The following FLAD1 variants were observed in gnomAD, a reference collection of about 807,000 sequenced individuals.
FLAD1 encodes the protein flavin adenine dinucleotide synthetase 1.
A neutral mutation model predicts 55.0 loss-of-function variants in FLAD1; 35 were observed. The ratio of observed to expected loss-of-function variants is 0.64; its 90% confidence interval spans 0.49 to 0.84. FLAD1 has a LOEUF of 0.84. Among genes scored for constraint, FLAD1 ranks in the 40% least tolerant of loss-of-function variants. The probability of loss-of-function intolerance (pLI) is 0.00; values close to 1 mark genes in which losing one functional copy is unlikely to be tolerated. For missense variants in FLAD1, 665 were observed against 742.6 expected, an observed-to-expected ratio of 0.90 and a Z score of 1.21; for synonymous variants, 267 against 303.0, an observed-to-expected ratio of 0.88 and a Z score of 1.23.
intron 1 of FLAD1, among the ~76,000 whole-genome samples, chr1:154,986,598 C>T (rs1307594891): frequency 1.3e-5 from 2 of 151,786 alleles, no homozygotes; most frequent in Admixed American, 6.6e-5. Flanking sequence ...GTTTTATAAA[C>T]GGGGTTCTCG....
rs1357988688 is a variant in FLAD1, at chr1:154,988,868, A to AG, written c.1117+23dup. 1 of 1,613,798 alleles carries AG rather than the reference A, an allele frequency of 6.2e-7. No individual in the cohort carries two copies. Among genetic ancestry groups the AG allele is most frequent in the African/African-American group, 1.3e-5 (1 of 75,048 alleles). On this transcript the variant is annotated intron_variant, in intron 2 of 6. Coordinates refer to ENST00000292180, the MANE Select transcript of FLAD1 (RefSeq NM_025207.5). ...GAATCAGGTAGGGACCTTATGGAGG[A>AG]GGGGCATTATGCCCAAAGCCATTGG...
intron 1 of FLAD1, 41 bp downstream of exon 1, chr1:154,984,107 C>T (rs746843238): frequency 6.8e-7 from 1 of 1,459,920 alleles, no homozygotes; most frequent in Non-Finnish European, 9.1e-7. Context: ...GCTGCGTTCT[C>T]CTGTCCTTAA....
rs1385419342 is a variant in FLAD1, at chr1:154,983,930, T to G, written c.236T>G (p.Phe79Cys). ...LAGPPCLRPL[F>C]GGLGGYWRAL... ...GGCCCCCCGTGCTTGCGACCCCTATTTGGGGGTCTGGGTGGCTACTGGAGG... is the reference window on the plus strand; with the variant it reads ...GGCCCCCCGTGCTTGCGACCCCTATGTGGGGGTCTGGGTGGCTACTGGAGG... Residue 79 changes from phenylalanine (F) to cysteine (C), a missense_variant, in exon 1 of 7, where the codon TTT (phenylalanine) becomes TGT (cysteine). Coordinates refer to ENST00000292180, the MANE Select transcript of FLAD1 (RefSeq NM_025207.5). The G allele has an allele frequency of 6.2e-7, 1 of 1,609,192 alleles. No individual in the cohort carries two copies. Among genetic ancestry groups the G allele is most frequent in the Non-Finnish European group, 8.5e-7 (1 of 1,176,936 alleles).
At chr1:154,986,516 A>AGTT (rs1558073787) in intron 1 of FLAD1, among the ~76,000 whole-genome samples, 1 of 152,108 alleles carries the variant, frequency 6.6e-6, no homozygotes, top group Non-Finnish European at 1.5e-5. Context: ...TCTTCACAAC[A>AGTT]ACCCCACACA....
chr1:154,988,443 T>A lies in FLAD1; in HGVS notation c.711T>A (p.Thr237=). Residue 237 remains threonine, a synonymous_variant, in exon 2 of 7, where the codon ACT becomes ACA. Coordinates refer to ENST00000292180, the MANE Select transcript of FLAD1 (RefSeq NM_025207.5). ...TGCATTATGGCACAGATCCTTGCAC[T>A]GGTCAACCTTTCAGATTCCCTCTGG... ...ARLHYGTDPC[T]GQPFRFPLVS... is the part of the protein sequence containing the mutation. 6.2e-7 allele frequency: 1 copy of A among 1,614,260 alleles called. No individual in the cohort carries two copies. Among genetic ancestry groups the A allele is most frequent in the Non-Finnish European group, 8.5e-7 (1 of 1,180,044 alleles).
chr1:154,988,966 C>T (rs747069483), intron 2 of FLAD1, 117 bp downstream of exon 2: 7 of 1,523,496 alleles, frequency 4.6e-6, no homozygotes, highest in Non-Finnish European at 6.2e-6. Flanking sequence ...CAGAAGATAG[C>T]TTCTGTTAAT....
In FLAD1 at chr1:154,988,729, G is replaced by A. The variant is rs1231507579; in HGVS notation, c.997G>A (p.Gly333Arg). Residue 333 changes from glycine to arginine, a missense_variant, in exon 2 of 7, where the codon GGA becomes AGA. Physicochemically the swap from Gly to Arg is moderately radical, Grantham distance 125 (BLOSUM62 -2). Transcript: ENST00000292180. ...VKLTLDSEEE[G>R]PLEECLAYLT... ...GCTGACTCTAGACTCAGAGGAAGAA[G>A]GACCCCTGGAGGAATGCTTGGCCTA... The A allele has an allele frequency of 1.2e-6, 2 of 1,614,212 alleles. No individual in the cohort carries two copies. The highest frequency in any genetic ancestry group is 1.7e-6 in the Non-Finnish European group (2 of 1,180,042).
At chr1:154,986,318 G>A (rs921739534) in intron 1 of FLAD1, among the ~76,000 whole-genome samples, 6 of 152,018 alleles carry the variant, frequency 3.9e-5, no homozygotes, top group Non-Finnish European at 7.4e-5. Flanking sequence ...CCGGGTTCAC[G>A]CCATTCTCCT....
Position 154,993,031 on chromosome 1 carries a change from C to T in FLAD1, c.1758C>T (p.Arg586=). Residue 586 remains arginine (R), a synonymous_variant, in exon 7 of 7, where the codon CGC becomes CGT. Coordinates refer to ENST00000292180, the MANE Select transcript of FLAD1 (RefSeq NM_025207.5). ...ACGAAGAAGAGGAGCGGAACTCCCG[C>T]ACATGACCTCCCACCCTAGGAGGGA... ...LENEEEERNS[R]T is the part of the protein sequence containing the mutation. The T allele has an allele frequency of 1.9e-6, 3 of 1,614,006 alleles. No individual in the cohort carries two copies. Among genetic ancestry groups the T allele is most frequent in the Non-Finnish European group, 2.5e-6 (3 of 1,179,930 alleles).
At position 154,992,796 on chromosome 1, in the gene FLAD1, T is replaced by C. The variant is rs1478559434; in HGVS notation, c.1628+10T>C. 2.7e-5 allele frequency: 43 copies of C among 1,613,944 alleles called. No homozygotes were observed. The highest frequency in any genetic ancestry group is 3.5e-5 in the Non-Finnish European group (41 of 1,179,988). On this transcript the variant is annotated intron_variant, in intron 6 of 6. Coordinates refer to ENST00000292180, the MANE Select transcript of FLAD1 (RefSeq NM_025207.5). ...TCCTGTATGACCGAGGGTAAGGGTA[T>C]TAGGGGAAGGGAATGGGTAAGGGAG...
chr1:154,992,171 A>C (rs1657903381), intron 5 of FLAD1, among the ~76,000 whole-genome samples: 2 of 137,108 alleles, frequency 1.5e-5, no homozygotes, highest in Admixed American at 1.5e-4. Context: ...AGGGCCGGGC[A>C]TGGTGGCACA....
In FLAD1 at chr1:154,990,203, G is replaced by A. The variant is rs144820916; in HGVS notation, c.1310G>A (p.Arg437His). ...VPNPLQILYIRSISPFPELEQ... is the reference protein window; with the variant it reads ...VPNPLQILYIHSISPFPELEQ... ...AACCCCCTCCAGATCCTGTATATCC[G>A]CAGCATCTCCCCTTTCCCTGAGCTG... The change falls in exon 4 of 7, where the codon CGC (arginine) becomes CAC (histidine). Residue 437 changes from arginine to histidine, a missense_variant. Coordinates refer to ENST00000292180, the MANE Select transcript of FLAD1 (RefSeq NM_025207.5). 4.1e-4 allele frequency: 669 copies of A among 1,614,050 alleles called. 1 individual carries two copies. The African/African-American group carries it at 7.5e-3, about 18-fold the overall frequency.
At chr1:154,988,882 C>T (rs761358372) in intron 2 of FLAD1, 33 bp downstream of exon 2, 2 of 1,612,624 alleles carry the variant, frequency 1.2e-6, no homozygotes, top group Non-Finnish European at 1.7e-6. Context: ...GCATTATGCC[C>T]AAAGCCATTG....
At chr1:154,992,142 CAAA>C (rs35484260) in intron 5 of FLAD1, among the ~76,000 whole-genome samples, 3 of 68,882 alleles carry the variant, frequency 4.4e-5, no homozygotes, top group Admixed American at 1.8e-4. Flanking sequence ...GACTCCGTCT[CAAA>C]AAAAAAAAAA....
intron 1 of FLAD1, among the ~76,000 whole-genome samples, chr1:154,987,249 G>C (rs1490982087): frequency 6.6e-6 from 1 of 151,554 alleles, no homozygotes; most frequent in African/African-American, 2.4e-5. Flanking sequence ...GGTTGGTCTC[G>C]AACTTCTGAG....
chr1:154,992,687 A>G (rs1254436889), intron 5 of FLAD1, 26 bp from the exon 6 acceptor site: 1 of 1,614,120 alleles, frequency 6.2e-7, no homozygotes, highest in East Asian at 2.2e-5. Flanking sequence ...AGCATTTGTG[A>G]CTATTCTATT....
At position 154,984,006 on chromosome 1, in the gene FLAD1, A is replaced by G; in HGVS notation, c.312A>G (p.Glu104=). 2.0e-6 allele frequency: 3 copies of G among 1,517,584 alleles called. No homozygotes were observed. Among genetic ancestry groups the G allele is most frequent in the Non-Finnish European group, 2.6e-6 (3 of 1,132,462 alleles). The allele number at this position is 1,517,584 out of a possible 1,614,324, so 94.0% of individuals were successfully genotyped here. A position where few individuals can be genotyped will look rare whatever the true frequency, so the allele number is the denominator to read the frequency against. The change falls in exon 1 of 7, where the codon GAA becomes GAG. Residue 104 remains glutamate, a synonymous_variant. Coordinates refer to ENST00000292180, the MANE Select transcript of FLAD1 (RefSeq NM_025207.5). ...GGACCATGACATCTAGGGCCTCTGAACTTTCTCCGGGGCGCAGCGTGACGG... is the reference window on the plus strand; with the variant it reads ...GGACCATGACATCTAGGGCCTCTGAGCTTTCTCCGGGGCGCAGCGTGACGG... ...EGRTMTSRAS[E]LSPGRSVTAG... is the part of the protein sequence containing the mutation.
intron 5 of FLAD1, chr1:154,992,463 C>A: frequency 1.9e-6 from 2 of 1,034,718 alleles, no homozygotes; most frequent in Non-Finnish European, 2.8e-6. Context: ...TAGACGGTTT[C>A]TCCCTGTCCT....
At position 154,990,238 on chromosome 1, in the gene FLAD1, C is replaced by A. The variant is rs1657801933; in HGVS notation, c.1345C>A (p.Leu449Ile). 6.2e-7 allele frequency: 1 copy of A among 1,614,028 alleles called. No individual in the cohort carries two copies. The highest frequency in any genetic ancestry group is 1.7e-5 in the Admixed American group (1 of 60,006). The change falls in exon 4 of 7, where the codon CTA becomes ATA. Residue 449 changes from leucine (L) to isoleucine (I), a missense_variant. Transcript: ENST00000292180. ...ISPFPELEQF[L>I]QDTIKRYNLQ... ...CCCTTTCCCTGAGCTGGAACAGTTT[C>A]TACAGGACACTATCAAGAGGTACTA...
Sources: allele counts gnomAD v4.1 joint callset (sites outside exome capture counted in the v4.1 genomes callset), GRCh38; gene constraint gnomAD v4.1.1; transcripts MANE v1.5; gene names NCBI Gene and HGNC (gene_info 2026-07-23, HGNC 2026-07-21).